The following TMEM144 variants were observed in gnomAD, a reference collection of about 807,000 sequenced individuals.
The protein encoded by TMEM144 is transmembrane protein 144.
In TMEM144, 39 loss-of-function variants were observed where a neutral mutation model predicts 43.6. The ratio of observed to expected loss-of-function variants is 0.90; its 90% CI spans 0.69 to 1.17. The LOEUF is 1.17. Among genes scored for constraint, TMEM144 ranks in the 50% most tolerant of loss-of-function variants. The pLI, the probability that TMEM144 is intolerant of heterozygous loss-of-function variation, is 0.00. For synonymous variants in TMEM144, 154 were observed against 133.6 expected, an observed-to-expected ratio of 1.15 and a Z score of -1.06; for missense variants, 417 against 411.9, an observed-to-expected ratio of 1.01 and a Z score of -0.11.
chr4:158,250,581 CT>C (rs1399534627), intron 12 of TMEM144, among the ~76,000 whole-genome samples: 3 of 152,180 alleles, frequency 2.0e-5, no homozygotes, highest in African/African-American at 7.2e-5. Context: ...TCCCTCAAAG[CT>C]GACCTGGCTG....
chr4:158,226,564 C>T (rs1344452841), intron 6 of TMEM144, among the ~76,000 whole-genome samples: 1 of 151,958 alleles, frequency 6.6e-6, no homozygotes, highest in Non-Finnish European at 1.5e-5. Flanking sequence ...TATTTTTATG[C>T]CTTCTTATAA....
At position 158,254,771 on chromosome 4, in the gene TMEM144, A is replaced by G. The variant is rs1455070425; in HGVS notation, c.*1244A>G. 1 of 152,200 alleles carries G rather than the reference A, an allele frequency of 6.6e-6. No homozygotes were observed. Among genetic ancestry groups the G allele is most frequent in the African/African-American group, 2.4e-5 (1 of 41,454 alleles). The allele number at this position is 152,200 out of a possible 1,614,324, so 9.4% of individuals were successfully genotyped here. ...TATTACTTTGCTATGCAGGAGAAACAAAACAGCTTTTTATTTGTGTGTATA... is the reference window on the plus strand; with the variant it reads ...TATTACTTTGCTATGCAGGAGAAACGAAACAGCTTTTTATTTGTGTGTATA... On this transcript the variant is annotated 3_prime_UTR_variant, in exon 13 of 13. Transcript: ENST00000296529.
At chr4:158,214,683 G>A (rs1477568013) in intron 3 of TMEM144, among the ~76,000 whole-genome samples, 2 of 152,148 alleles carry the variant, frequency 1.3e-5, no homozygotes, top group Non-Finnish European at 2.9e-5. Context: ...AACTGTATGA[G>A]GCCTATGTGT....
intron 12 of TMEM144, among the ~76,000 whole-genome samples, chr4:158,247,785 T>C (rs1477236558): frequency 2.6e-5 from 4 of 152,130 alleles, no homozygotes; most frequent in African/African-American, 4.8e-5. Context: ...ACATTTCTGA[T>C]GGAACATCTC....
chr4:158,242,508 G>C (rs145679245), intron 11 of TMEM144, among the ~76,000 whole-genome samples: 3 of 152,050 alleles, frequency 2.0e-5, no homozygotes, highest in Non-Finnish European at 2.9e-5. Context: ...TATGAATATG[G>C]TCAATCAATT....
chr4:158,253,352 A>T, intron 12 of TMEM144, 92 bp from the exon 13 acceptor site: 1 of 1,084,058 alleles, frequency 9.2e-7, no homozygotes, highest in Non-Finnish European at 1.4e-6. Context: ...GCTAGAGCAG[A>T]TGGTTAGGTC....
chr4:158,227,956 T>G (rs1430949091), intron 6 of TMEM144, among the ~76,000 whole-genome samples: 1 of 152,150 alleles, frequency 6.6e-6, no homozygotes, highest in Non-Finnish European at 1.5e-5. Flanking sequence ...GACCCATGCT[T>G]CTTCGAGGCA....
At chr4:158,247,922 C>CAA (rs144376928) in intron 12 of TMEM144, among the ~76,000 whole-genome samples, 5 of 78,670 alleles carry the variant, frequency 6.4e-5, no homozygotes, top group African/African-American at 1.4e-4. Context: ...TAAAAATAGG[C>CAA]AAAAAAAAAA....
At chr4:158,246,718 AG>A (rs1735909068) in intron 12 of TMEM144, among the ~76,000 whole-genome samples, 1 of 152,080 alleles carries the variant, frequency 6.6e-6, no homozygotes, top group Non-Finnish European at 1.5e-5. Flanking sequence ...TCACAAAAAA[AG>A]ATTTATTTAT....
chr4:158,253,594 A>T lies in TMEM144; in HGVS notation c.*67A>T, dbSNP rs569958743. On this transcript the variant is annotated 3_prime_UTR_variant, in exon 13 of 13. Coordinates refer to ENST00000296529, the MANE Select transcript of TMEM144 (RefSeq NM_018342.5). ...GCGTCTATCGGACAGCGGAGAGATC[A>T]TGCTGAGAAAAGAGTGCATTTTCAT... is the stretch of plus-strand genomic sequence containing the variant. The T allele has an allele frequency of 7.5e-7, 1 of 1,341,212 alleles. No homozygotes were observed. The highest frequency in any genetic ancestry group is 2.3e-5 in the East Asian group (1 of 43,222). The allele number at this position is 1,341,212 out of a possible 1,614,324, so 83.1% of individuals were successfully genotyped here. A position where few individuals can be genotyped will look rare whatever the true frequency, so the allele number is the denominator to read the frequency against.
chr4:158,227,922 A>G (rs951785649), intron 6 of TMEM144, among the ~76,000 whole-genome samples: 1 of 152,150 alleles, frequency 6.6e-6, no homozygotes, highest in African/African-American at 2.4e-5. Context: ...TGTATTTCCT[A>G]GTAGGGTCAG....
intron 12 of TMEM144, among the ~76,000 whole-genome samples, chr4:158,247,548 G>T (rs1447440815): frequency 6.6e-6 from 1 of 151,930 alleles, no homozygotes. Flanking sequence ...CATTTAGTAA[G>T]GCTTGAGATA....
intron 7 of TMEM144, chr4:158,233,388 C>A (rs1735184150): frequency 6.5e-6 from 1 of 152,870 alleles, no homozygotes; most frequent in African/African-American, 2.4e-5. Context: ...TAAGTGAAGT[C>A]CTATGAGAAT....
intron 10 of TMEM144, among the ~76,000 whole-genome samples, chr4:158,240,756 C>G (rs1735592892): frequency 6.6e-6 from 1 of 152,090 alleles, no homozygotes; most frequent in African/African-American, 2.4e-5. Context: ...TTTTCACTAT[C>G]TAAAGGTTCA....
In TMEM144 at chr4:158,219,309, G is replaced by T. The variant is rs1484431356; in HGVS notation, c.333-1G>T. On this transcript the variant is annotated splice_acceptor_variant, in intron 5 of 12. Coordinates refer to ENST00000296529, the MANE Select transcript of TMEM144 (RefSeq NM_018342.5). LOFTEE classifies it high-confidence loss of function. ...TTTGATGTGACTTTCTGGATTTTCA[G>T]GTTTGGCTGGTTTGGATTGGATGCA... 6.2e-7 allele frequency: 1 copy of T among 1,613,734 alleles called. No homozygotes were observed.
Position 158,215,311 on chromosome 4 carries a change from C to A in TMEM144, c.230C>A (p.Thr77Lys). 6.2e-7 allele frequency: 1 copy of A among 1,613,442 alleles called. No homozygotes were observed. The highest frequency in any genetic ancestry group is 8.5e-7 in the Non-Finnish European group (1 of 1,179,624). ...ATGCTTGGGGGCTGCATTTGGGCAA[C>A]AGGTAATGTCTGATATAACTTATAC... ...FAMLGGCIWA[T>K]GNIAVVPIIK... The change falls in exon 4 of 13, where the codon ACA (threonine) becomes AAA (lysine). Residue 77 changes from threonine (T) to lysine (K), a missense_variant and splice_region_variant. Thr to Lys is a moderately conservative substitution (Grantham distance 78). Coordinates refer to ENST00000296529, the MANE Select transcript of TMEM144 (RefSeq NM_018342.5).
In TMEM144 at chr4:158,210,492, G is replaced by A. The variant is rs1037989802; in HGVS notation, c.-277G>A. The A allele has an allele frequency of 6.6e-6, 1 of 152,366 alleles. No homozygotes were observed. Among genetic ancestry groups the A allele is most frequent in the African/African-American group, 2.4e-5 (1 of 41,440 alleles). The allele number at this position is 152,366 out of a possible 1,614,324, so 9.4% of individuals were successfully genotyped here. A position where few individuals can be genotyped will look rare whatever the true frequency, so the allele number is the denominator to read the frequency against. ...GCCAGGCCGCCCCCAGCACGTAGAG[G>A]GAATGAGTCAGGCTCCGGCTCCACA... is the stretch of plus-strand genomic sequence containing the variant. On this transcript the variant is annotated 5_prime_UTR_variant, in exon 1 of 13. Coordinates refer to ENST00000296529, the MANE Select transcript of TMEM144 (RefSeq NM_018342.5).
intron 8 of TMEM144, among the ~76,000 whole-genome samples, chr4:158,236,845 T>G (rs1013990706): frequency 6.6e-6 from 1 of 152,164 alleles, no homozygotes; most frequent in Non-Finnish European, 1.5e-5. Context: ...TTCCAAAATA[T>G]GAATCACCTC....
intron 4 of TMEM144, among the ~76,000 whole-genome samples, chr4:158,216,194 C>T (rs1197811853): frequency 6.6e-6 from 1 of 152,150 alleles, no homozygotes. Flanking sequence ...CATCCTGCAG[C>T]TCTTTATAGC....
Sources: gnomAD v4.1 joint callset for allele counts (sites outside exome capture counted in the v4.1 genomes callset) on GRCh38, gnomAD v4.1.1 for gene constraint, MANE v1.5 for transcripts, NCBI Gene and HGNC (gene_info 2026-07-23, HGNC 2026-07-21) for gene names.